The following PSKH2 variants were observed in gnomAD, a reference collection of about 807,000 sequenced individuals.
PSKH2 encodes the protein protein serine kinase H2, also known as serine/threonine-protein kinase H2.
In PSKH2, 16 loss-of-function variants were observed where a neutral mutation model predicts 22.5. The observed-to-expected ratio is 0.71, with a 90% confidence interval of 0.48 to 1.08. The LOEUF is 1.08. PSKH2 is among the 50% of genes least tolerant of loss of function. The pLI is 0.00. For synonymous variants in PSKH2, 188 were observed against 184.8 expected, an observed-to-expected ratio of 1.02 and a Z score of -0.14; for missense variants, 516 against 492.8, an observed-to-expected ratio of 1.05 and a Z score of -0.44.
chr8:86,067,828 T>C (rs1027205315), intron 1 of PSKH2, among the ~76,000 whole-genome samples: 1 of 152,246 alleles, frequency 6.6e-6, no homozygotes, highest in African/African-American at 2.4e-5. Context: ...GACTGTGTTC[T>C]AGTCCCAATT....
In PSKH2 at chr8:86,064,110, C is replaced by G. The variant is rs1042212269; in HGVS notation, c.707G>C (p.Arg236Thr). Residue 236 changes from arginine (R) to threonine (T), a missense_variant, in exon 2 of 3, where the codon AGG (arginine) becomes ACG (threonine). By Grantham distance (71) the Arg-to-Thr change is moderately conservative. Coordinates refer to ENST00000276616, the MANE Select transcript of PSKH2 (RefSeq NM_033126.3). ...PEYIAPEVLL[R>T]KPYTSAVDMW... Reference sequence around the variant, plus strand: ...GTCCACTGCACTGGTATAAGGCTTCCTTAGCAAAACCTCAGGAGCTATGTA... The same window carrying G: ...GTCCACTGCACTGGTATAAGGCTTCGTTAGCAAAACCTCAGGAGCTATGTA... 6 of 1,613,982 alleles carry G rather than the reference C, an allele frequency of 3.7e-6. No individual in the cohort carries two copies. In the African/African-American group the frequency reaches 8.0e-5, roughly 22 times the overall value.
intron 2 of PSKH2, among the ~76,000 whole-genome samples, chr8:86,058,091 C>T (rs73255245): frequency 0.025 from 3,880 of 152,204 alleles, 152 homozygotes; most frequent in African/African-American, 0.088. Context: ...CTTTACTTAG[C>T]GTCTCAAGCA....
intron 1 of PSKH2, among the ~76,000 whole-genome samples, chr8:86,066,699 G>A (rs1339562786): frequency 6.7e-6 from 1 of 150,222 alleles, no homozygotes; most frequent in African/African-American, 2.5e-5. Flanking sequence ...TTGCCTTCTT[G>A]TTTGTTCTTT....
At chr8:86,059,868 G>C (rs1398304259) in intron 2 of PSKH2, among the ~76,000 whole-genome samples, 2 of 152,162 alleles carry the variant, frequency 1.3e-5, no homozygotes, top group Non-Finnish European at 2.9e-5. Flanking sequence ...GCTCTTTAGA[G>C]GGGCTGCAGA....
intron 2 of PSKH2, among the ~76,000 whole-genome samples, chr8:86,058,401 CTAACTA>C (rs1325274342): frequency 5.3e-5 from 8 of 152,188 alleles, no homozygotes; most frequent in South Asian, 4.1e-4. Flanking sequence ...TATCATCTAC[CTAACTA>C]TAAGTCAGAA....
intron 2 of PSKH2, among the ~76,000 whole-genome samples, chr8:86,057,407 T>C (rs1817715767): frequency 6.6e-6 from 1 of 151,994 alleles, no homozygotes. Flanking sequence ...AGAGTCTTAA[T>C]CTGTCACCAG....
At chr8:86,060,496 A>G (rs77302469) in intron 2 of PSKH2, among the ~76,000 whole-genome samples, 199 of 152,300 alleles carry the variant, frequency 1.3e-3, no homozygotes, top group African/African-American at 4.4e-3. Flanking sequence ...ACATGATGAT[A>G]TACTTTTCTG....
intron 2 of PSKH2, 97 bp from the exon 3 acceptor site, chr8:86,048,864 A>G (rs1372943697): frequency 8.9e-7 from 1 of 1,121,288 alleles, no homozygotes. Context: ...ATCAATGCCA[A>G]TCGAATCCAA....
In PSKH2 at chr8:86,047,381, T is replaced by C. The variant is rs1260554815; in HGVS notation, c.*1081A>G. Among the ~76,000 whole-genome samples the C allele has an allele frequency of 6.6e-6, 1 of 152,144 alleles. No homozygotes were observed. The highest frequency in any genetic ancestry group is 1.5e-5 in the Non-Finnish European group (1 of 67,998). On this transcript the variant is annotated 3_prime_UTR_variant, in exon 3 of 3. Transcript: ENST00000276616. ...CATATTCTTATCTATATATCAGATATATAGCTGTTCCATCTATATAGCCTA... is the reference window on the plus strand; with the variant it reads ...CATATTCTTATCTATATATCAGATACATAGCTGTTCCATCTATATAGCCTA...
intron 2 of PSKH2, among the ~76,000 whole-genome samples, chr8:86,057,490 G>A (rs1055696208): frequency 2.6e-5 from 4 of 151,948 alleles, no homozygotes; most frequent in Non-Finnish European, 5.9e-5. Flanking sequence ...GGGTTCAAGC[G>A]ATTCTCCTGC....
chr8:86,068,063 G>C (rs369770776), intron 1 of PSKH2, among the ~76,000 whole-genome samples: 36 of 152,338 alleles, frequency 2.4e-4, no homozygotes, highest in African/African-American at 8.7e-4. Flanking sequence ...CAAATGACCA[G>C]AGATGCCATT....
intron 2 of PSKH2, among the ~76,000 whole-genome samples, chr8:86,063,715 T>G (rs1413367474): frequency 6.6e-6 from 1 of 152,158 alleles, no homozygotes; most frequent in African/African-American, 2.4e-5. Flanking sequence ...CTATCTTGAG[T>G]CAAATGGCTC....
At chr8:86,048,795 T>A (rs1282295804) in intron 2 of PSKH2, 28 bp from the exon 3 acceptor site, 1 of 1,481,142 alleles carries the variant, frequency 6.8e-7, no homozygotes, top group Non-Finnish European at 9.1e-7. Flanking sequence ...TAAGTTAGAA[T>A]AAAATAAATA....
chr8:86,064,661 C>T (rs760563636), intron 1 of PSKH2, 30 bp from the exon 2 acceptor site: 2 of 1,542,316 alleles, frequency 1.3e-6, no homozygotes, highest in Non-Finnish European at 1.8e-6. Context: ...AACATGTTAT[C>T]CCCAGAAGTG....
chr8:86,050,882 T>C (rs1160031297), intron 2 of PSKH2, among the ~76,000 whole-genome samples: 1 of 152,172 alleles, frequency 6.6e-6, no homozygotes, highest in Non-Finnish European at 1.5e-5. Flanking sequence ...TAGCACCCTA[T>C]TAACTCTATG....
rs577799262 is a variant in PSKH2, at chr8:86,054,679, C to A, written c.853-5912G>T. On this transcript the variant is annotated intron_variant, in intron 2 of 2. Transcript: ENST00000276616. ...TGTCAGAATGCTCTGTCTGCTGGGG[C>A]ATTTGTAAATTCTGGGAAGAGTGAA... Among the ~76,000 whole-genome samples, 132 of 152,236 alleles carry A rather than the reference C, an allele frequency of 8.7e-4. 1 individual carries two copies. In the South Asian group the frequency reaches 0.025, roughly 29 times the overall value.
Position 86,064,046 on chromosome 8 carries a change from G to A in PSKH2, c.771C>T (p.Ser257=), listed in dbSNP as rs765743801. 25 of 1,613,894 alleles carry A rather than the reference G, an allele frequency of 1.5e-5. No homozygotes were observed. The highest frequency in any genetic ancestry group is 5.5e-5 in the South Asian group (5 of 91,060). ...ALGVITYALL[S]GFLPFDDESQ... is the part of the protein sequence containing the mutation. ...TTTCATCATCAAAAGGCAGGAATCC[G>A]CTAAGTAAAGCATATGTGATCACAC... Residue 257 remains serine, a synonymous_variant, in exon 2 of 3, where the codon AGC becomes AGT. Transcript: ENST00000276616.
At chr8:86,061,029 C>T (rs1394274118) in intron 2 of PSKH2, among the ~76,000 whole-genome samples, 1 of 152,188 alleles carries the variant, frequency 6.6e-6, no homozygotes, top group East Asian at 1.9e-4. Context: ...CTGCCTTGAC[C>T]TCAGAAGGCC....
intron 2 of PSKH2, among the ~76,000 whole-genome samples, chr8:86,052,270 C>T (rs1251209745): frequency 1.3e-5 from 2 of 152,142 alleles, no homozygotes; most frequent in Non-Finnish European, 2.9e-5. Flanking sequence ...ATTTCTCCTC[C>T]CAAATTCGGC....
Sources: allele counts gnomAD v4.1 joint callset (sites outside exome capture counted in the v4.1 genomes callset), GRCh38; gene constraint gnomAD v4.1.1; transcripts MANE v1.5; gene names NCBI Gene and HGNC (gene_info 2026-07-23, HGNC 2026-07-21).